ANK3: variants seen among roughly 807,000 people sequenced by gnomAD.
ANK3 encodes ankyrin-3.
Under a neutral mutation model 370.9 loss-of-function variants are expected in ANK3, and 57 were observed. The observed-to-expected ratio is 0.15, with a 90% CI of 0.12 to 0.19. ANK3 has a LOEUF of 0.19. Among genes scored for constraint, ANK3 ranks in the 10% least tolerant of loss-of-function variants. The pLI is 1.00. For missense variants in ANK3, 4,439 were observed against 5,302.1 expected, an observed-to-expected ratio of 0.84 and a Z score of 5.06; for synonymous variants, 1,929 against 1,946.3, an observed-to-expected ratio of 0.99 and a Z score of 0.23.
chr10:60,406,974 G>C (rs79821818), intron 2 of ANK3, among the ~76,000 whole-genome samples: 1 of 152,214 alleles, frequency 6.6e-6, no homozygotes, highest in East Asian at 1.9e-4. Flanking sequence ...AGCCATAATA[G>C]ATCTTTTGTT....
rs766671422 is a variant in ANK3 at position 60,075,671 on chromosome 10, G to A, written c.5210C>T (p.Ala1737Val). The change falls in exon 37 of 44, where the codon GCC (alanine) becomes GTC (valine). Residue 1737 changes from alanine to valine, a missense_variant. By Grantham distance (64) the Ala-to-Val change is moderately conservative. This residue lies in a region of ANK3 where 679 missense variants were observed against 791.0 expected (regional missense o/e 0.86). Transcript: ENST00000280772. ...SSSTLINGCK[A>V]TATLQEKISS... ...AATTTTTTCCTGTAACGTGGCAGTG[G>A]CTTTGCATCCATTAATTAAAGTTGA... 4.5e-5 allele frequency: 73 copies of A among 1,614,116 alleles called. 1 individual carries two copies. Among genetic ancestry groups the A allele is most frequent in the Middle Eastern group, 1.7e-4 (1 of 6,060 alleles).
chr10:60,214,030 C>T (rs1358115494), intron 8 of ANK3, among the ~76,000 whole-genome samples: 2 of 152,164 alleles, frequency 1.3e-5, no homozygotes, highest in East Asian at 3.9e-4. Context: ...ATACATTCCT[C>T]TAAGTGTAAA....
At chr10:60,623,524 G>A (rs2078367428) in intron 1 of ANK3, among the ~76,000 whole-genome samples, 4 of 151,928 alleles carry the variant, frequency 2.6e-5, no homozygotes, top group Admixed American at 2.6e-4. Flanking sequence ...AGTTTATGGG[G>A]CCAAAAAAGA....
chr10:60,523,209 G>A (rs916401110), intron 2 of ANK3, among the ~76,000 whole-genome samples: 7 of 151,978 alleles, frequency 4.6e-5, no homozygotes, highest in South Asian at 2.1e-4. Flanking sequence ...AAAGTAGTTC[G>A]TCAGAGATAC....
chr10:60,207,471 A>T (rs953676518), intron 10 of ANK3, among the ~76,000 whole-genome samples: 1 of 152,242 alleles, frequency 6.6e-6, no homozygotes, highest in African/African-American at 2.4e-5. Context: ...GACAACAAGT[A>T]CCATCTTGCT....
chr10:60,134,411 T>G (rs2094237579), intron 24 of ANK3, 38 bp from the exon 25 acceptor site: 3 of 1,518,342 alleles, frequency 2.0e-6, no homozygotes, highest in Non-Finnish European at 2.7e-6. Context: ...CAGTGGTAGA[T>G]GATGATGAGA....
intron 8 of ANK3, among the ~76,000 whole-genome samples, chr10:60,229,436 A>G (rs2097209487): frequency 6.6e-6 from 1 of 152,214 alleles, no homozygotes; most frequent in Non-Finnish European, 1.5e-5. Context: ...TTGGACAATC[A>G]CATCCCTTGA....
chr10:60,530,466 A>AAC (rs201708664), intron 2 of ANK3, among the ~76,000 whole-genome samples: 1 of 151,378 alleles, frequency 6.6e-6, no homozygotes, highest in South Asian at 2.1e-4. Flanking sequence ...AAAAAAAAAA[A>AAC]CCCTATGATA....
rs565366773 is a variant in ANK3, at chr10:60,197,137, C to A, written c.1690-512G>T. On this transcript the variant is annotated intron_variant, in intron 14 of 43. Coordinates refer to ENST00000280772, the MANE Select transcript of ANK3 (RefSeq NM_020987.5). ...CTTTCCCCGTTTCTCCATGTATACA[C>A]AATCCTTATGTGTCCTCTAGTCTTC... Among the ~76,000 whole-genome samples, 49 of 152,334 alleles carry A rather than the reference C, an allele frequency of 3.2e-4. 1 individual carries two copies. The South Asian group carries it at 9.5e-3, about 30-fold the overall frequency.
In ANK3 at chr10:60,440,056, C is replaced by T. The variant is rs575368656; in HGVS notation, c.97-160417G>A. On this transcript the variant is annotated intron_variant, in intron 2 of 43. Coordinates refer to the ANK3 transcript ENST00000373827. ...GCCCCCAGGAACCTTCCATGTTACA[C>T]AGAATGCTCCGTTGCCAACTAGTAT... Among the ~76,000 whole-genome samples the T allele has an allele frequency of 1.0e-3, 157 of 152,306 alleles. 1 individual carries two copies. Among genetic ancestry groups the T allele is most frequent in the African/African-American group, 3.7e-3 (152 of 41,562 alleles).
chr10:60,380,809 G>A (rs971063458), intron 1 of ANK3, among the ~76,000 whole-genome samples: 8 of 152,280 alleles, frequency 5.3e-5, no homozygotes, highest in East Asian at 3.9e-4. Flanking sequence ...AAGTGGGAGC[G>A]TTTGAATACA....
intron 2 of ANK3, among the ~76,000 whole-genome samples, chr10:60,593,291 C>A (rs1440707716): frequency 1.3e-5 from 2 of 152,184 alleles, no homozygotes; most frequent in African/African-American, 4.8e-5. Flanking sequence ...TTAAGACATT[C>A]TGTGCCTGTC....
chr10:60,229,500 A>T (rs531276827), intron 8 of ANK3, among the ~76,000 whole-genome samples: 9 of 152,306 alleles, frequency 5.9e-5, no homozygotes, highest in Admixed American at 5.2e-4. Flanking sequence ...TTAGTATTTA[A>T]CCTGAGAAAC....
chr10:60,228,186 G>C (rs1166867870), intron 8 of ANK3, among the ~76,000 whole-genome samples: 1 of 152,044 alleles, frequency 6.6e-6, no homozygotes, highest in African/African-American at 2.4e-5. Context: ...TTTCTTCTAT[G>C]AATACATGAG....
intron 1 of ANK3, among the ~76,000 whole-genome samples, chr10:60,678,706 AT>A (rs1250865793): frequency 2.6e-5 from 4 of 152,230 alleles, no homozygotes; most frequent in Non-Finnish European, 5.9e-5. Context: ...TTTATAGATT[AT>A]TGAATATTAA....
At chr10:60,528,659 G>A (rs1254174881) in intron 2 of ANK3, among the ~76,000 whole-genome samples, 1 of 152,004 alleles carries the variant, frequency 6.6e-6, no homozygotes, top group Non-Finnish European at 1.5e-5. Flanking sequence ...TGACATTTTA[G>A]GCTAGATCAT....
chr10:60,457,660 C>T (rs563048086), intron 2 of ANK3, among the ~76,000 whole-genome samples: 1 of 152,126 alleles, frequency 6.6e-6, no homozygotes, highest in African/African-American at 2.4e-5. Flanking sequence ...AGGATGGAGC[C>T]TCATGGGGAA....
intron 2 of ANK3, among the ~76,000 whole-genome samples, chr10:60,463,058 C>A (rs34128777): frequency 0.022 from 3,400 of 152,142 alleles, 58 homozygotes; most frequent in Non-Finnish European, 0.034. Flanking sequence ...CTTGTGCCAC[C>A]ATGTTCAACT....
chr10:60,059,921 A>G (rs1406243833), intron 40 of ANK3: 2 of 1,614,138 alleles, frequency 1.2e-6, no homozygotes, highest in Non-Finnish European at 1.7e-6. Flanking sequence ...AGATATCACT[A>G]AAATAATCAT....
Sources: gnomAD v4.1 joint callset for allele counts (sites outside exome capture counted in the v4.1 genomes callset) on GRCh38, gnomAD v4.1.1 for gene constraint, gnomAD v4.1.1 regional missense constraint, MANE v1.5 for transcripts, NCBI Gene and HGNC (gene_info 2026-07-23, HGNC 2026-07-21) for gene names.